Variants in THSD4 observed in about 807,000 individuals in gnomAD.
The protein encoded by THSD4 is thrombospondin type-1 domain-containing protein 4.
Under a neutral mutation model 119.0 loss-of-function variants are expected in THSD4, and 69 were observed. The ratio of observed to expected loss-of-function variants is 0.58; its 90% CI spans 0.48 to 0.71. The LOEUF is 0.71. Ranked by LOEUF, THSD4 falls within the 30% of genes least tolerant of loss-of-function variation. The probability of loss-of-function intolerance (pLI) is 0.00; values close to 1 mark genes in which losing one functional copy is unlikely to be tolerated. For synonymous variants in THSD4, 524 were observed against 540.4 expected, an observed-to-expected ratio of 0.97 and a Z score of 0.42; for missense variants, 1,393 against 1,391.1, an observed-to-expected ratio of 1.00 and a Z score of -0.02.
intron 3 of THSD4, 150 bp from the exon 4 acceptor site, chr15:71,214,885 G>C: frequency 1.6e-5 from 19 of 1,177,878 alleles, no homozygotes; most frequent in Non-Finnish European, 1.7e-5. Flanking sequence ...TCCAAAAACC[G>C]ACTCTAAGCC....
chr15:71,563,167 C>T (rs901665884), intron 7 of THSD4, among the ~76,000 whole-genome samples: 2 of 152,116 alleles, frequency 1.3e-5, no homozygotes, highest in Admixed American at 6.6e-5. Flanking sequence ...ACACATGATG[C>T]GTGAGTACAG....
intron 7 of THSD4, among the ~76,000 whole-genome samples, chr15:71,633,188 G>A (rs2050665803): frequency 6.6e-6 from 1 of 152,050 alleles, no homozygotes; most frequent in East Asian, 1.9e-4. Context: ...TACCACAGAG[G>A]CTGAAGACAG....
At chr15:71,453,064 C>T (rs1425151790) in intron 7 of THSD4, among the ~76,000 whole-genome samples, 1 of 152,208 alleles carries the variant, frequency 6.6e-6, no homozygotes, top group Non-Finnish European at 1.5e-5. Flanking sequence ...GAGAAGGTGG[C>T]TATCTGCAAG....
At chr15:71,641,226 A>C (rs2050852343) in intron 7 of THSD4, among the ~76,000 whole-genome samples, 1 of 152,126 alleles carries the variant, frequency 6.6e-6, no homozygotes, top group South Asian at 2.1e-4. Context: ...GGCATTCCCT[A>C]AGGCTTTGTT....
At chr15:71,121,761 G>A (rs1484126665) in intron 1 of THSD4, among the ~76,000 whole-genome samples, 2 of 152,184 alleles carry the variant, frequency 1.3e-5, no homozygotes, top group East Asian at 3.8e-4. Context: ...GCTGAGGGTA[G>A]AGAATGCAGC....
chr15:71,361,628 C>G (rs1371797168), intron 6 of THSD4, among the ~76,000 whole-genome samples: 1 of 151,946 alleles, frequency 6.6e-6, no homozygotes, highest in Admixed American at 6.6e-5. Context: ...TTTTTTTGAC[C>G]TAGCAATTCT....
intron 2 of THSD4, among the ~76,000 whole-genome samples, chr15:71,151,883 G>A (rs1459384931): frequency 6.6e-6 from 1 of 152,180 alleles, no homozygotes; most frequent in African/African-American, 2.4e-5. Context: ...GACATCAGTA[G>A]CATCACCATC....
rs536587635 is a variant in THSD4 at position 71,457,610 on chromosome 15, A to C, written c.1152+45787A>C. ...CCTTGTTCTTGGTCTTGCCAAGCCT[A>C]TGTCTGCCTCAGGGGCTTGACACTT... On this transcript the variant is annotated intron_variant, in intron 7 of 17. Coordinates refer to ENST00000261862, the MANE Select transcript of THSD4 (RefSeq NM_024817.3). Among the ~76,000 whole-genome samples, 14 of 152,076 alleles carry C rather than the reference A, an allele frequency of 9.2e-5. No homozygotes were observed. The South Asian group carries it at 2.3e-3, about 25-fold the overall frequency.
intron 2 of THSD4, among the ~76,000 whole-genome samples, chr15:71,143,029 G>T (rs534714299): frequency 1.3e-5 from 2 of 152,314 alleles, no homozygotes; most frequent in African/African-American, 4.8e-5. Context: ...TTAGTATGTA[G>T]TTGCTTGTAT....
intron 8 of THSD4, among the ~76,000 whole-genome samples, chr15:71,661,465 T>C (rs986059355): frequency 6.6e-6 from 1 of 151,968 alleles, no homozygotes; most frequent in East Asian, 1.9e-4. Context: ...GTGCGATTTT[T>C]GCTCACTGCA....
intron 6 of THSD4, among the ~76,000 whole-genome samples, chr15:71,385,584 TAAAGCGAATAAA>T (rs2046285508): frequency 2.0e-5 from 3 of 152,138 alleles, no homozygotes; most frequent in African/African-American, 7.2e-5. Context: ...TGGAGTTCGC[TAAAGCGAATAAA>T]TTTGAACCTG....
intron 7 of THSD4, among the ~76,000 whole-genome samples, chr15:71,556,891 G>A (rs1030856099): frequency 1.3e-5 from 2 of 151,704 alleles, no homozygotes; most frequent in Non-Finnish European, 1.5e-5. Flanking sequence ...TGTGAATAAT[G>A]GCCATTTTGG....
At chr15:71,529,787 C>G (rs1432123318) in intron 7 of THSD4, among the ~76,000 whole-genome samples, 3 of 152,172 alleles carry the variant, frequency 2.0e-5, no homozygotes, top group Admixed American at 6.5e-5. Flanking sequence ...TCAGCTTCAT[C>G]AACTGTAAAA....
intron 6 of THSD4, among the ~76,000 whole-genome samples, chr15:71,394,888 C>T (rs1314264000): frequency 6.6e-6 from 1 of 152,220 alleles, no homozygotes; most frequent in Non-Finnish European, 1.5e-5. Context: ...CGCTTCTACT[C>T]AGCACTAGAC....
chr15:71,708,448 G>A (rs978685373), intron 8 of THSD4, among the ~76,000 whole-genome samples: 1 of 152,210 alleles, frequency 6.6e-6, no homozygotes, highest in African/African-American at 2.4e-5. Flanking sequence ...AGTAGGGTCA[G>A]TAATGGGAGT....
At chr15:71,122,405 A>G (rs986765562) in intron 1 of THSD4, among the ~76,000 whole-genome samples, 1 of 152,180 alleles carries the variant, frequency 6.6e-6, no homozygotes, top group Non-Finnish European at 1.5e-5. Flanking sequence ...TCTGACTCCA[A>G]AACAAATACT....
At chr15:71,336,101 C>T (rs570823615) in intron 6 of THSD4, among the ~76,000 whole-genome samples, 1 of 152,362 alleles carries the variant, frequency 6.6e-6, no homozygotes, top group South Asian at 2.1e-4. Flanking sequence ...AGGCCATCCC[C>T]TGCTCAGCCA....
At chr15:71,375,039 C>T (rs1452014010) in intron 6 of THSD4, among the ~76,000 whole-genome samples, 1 of 152,168 alleles carries the variant, frequency 6.6e-6, no homozygotes, top group Non-Finnish European at 1.5e-5. Context: ...CAGACAAATC[C>T]ACATCTCCTC....
intron 7 of THSD4, among the ~76,000 whole-genome samples, chr15:71,647,949 G>A (rs1035826080): frequency 2.6e-5 from 4 of 152,182 alleles, no homozygotes; most frequent in South Asian, 2.1e-4. Flanking sequence ...GGGAAAGCCC[G>A]AGAGCAGCCT....
Sources: gnomAD v4.1 joint callset for allele counts (sites outside exome capture counted in the v4.1 genomes callset) on GRCh38, gnomAD v4.1.1 for gene constraint, MANE v1.5 for transcripts, NCBI Gene and HGNC (gene_info 2026-07-23, HGNC 2026-07-21) for gene names.